PRELID2: variants seen among roughly 807,000 people sequenced by gnomAD.
PRELID2 encodes the protein PRELI domain-containing protein 2.
A neutral mutation model predicts 28.4 loss-of-function variants in PRELID2; 25 were observed. That is an observed-to-expected ratio of 0.88 (90% CI 0.64 to 1.23). The LOEUF is 1.23. Among genes scored for constraint, PRELID2 ranks in the 50% most tolerant of loss-of-function variants. The pLI, the probability that PRELID2 is intolerant of heterozygous loss-of-function variation, is 0.00. For missense variants in PRELID2, 201 were observed against 214.4 expected (o/e 0.94, Z 0.39); for synonymous variants, 76 against 71.6 (o/e 1.06, Z -0.31).
chr5:145,290,455 G>A, the PRELID2 span, among the ~76,000 whole-genome samples: 60,723 of 151,642 alleles, frequency 0.4, 13,174 homozygotes, highest in African/African-American at 0.57. Flanking sequence ...TTGTAGGGAC[G>A]TGGATGAAGC....
At chr5:145,609,423 T>G (rs1243555367) in intron 1 of PRELID2, among the ~76,000 whole-genome samples, 1 of 152,246 alleles carries the variant, frequency 6.6e-6, no homozygotes, top group Non-Finnish European at 1.5e-5. Flanking sequence ...TGCTGATTAC[T>G]GTCTCTGTAC....
chr5:145,277,129 T>C, the PRELID2 span, among the ~76,000 whole-genome samples: 1 of 152,032 alleles, frequency 6.6e-6, no homozygotes, highest in African/African-American at 2.4e-5. Context: ...GACACATAGG[T>C]TTCTATTTCC....
intron 1 of PRELID2, among the ~76,000 whole-genome samples, chr5:145,570,552 C>G (rs954699498): frequency 5.3e-5 from 8 of 152,202 alleles, no homozygotes; most frequent in Non-Finnish European, 8.8e-5. Flanking sequence ...ATAAGTAACT[C>G]TCAGAATTAG....
At chr5:145,229,900 G>T in the PRELID2 span, 1 of 749,770 alleles carries the variant, frequency 1.3e-6, no homozygotes, top group South Asian at 1.4e-5. Context: ...TACATCCTTG[G>T]CTGGGAGTCC....
chr5:145,678,221 G>A (rs1477963951), intron 1 of PRELID2, among the ~76,000 whole-genome samples: 2 of 152,146 alleles, frequency 1.3e-5, no homozygotes, highest in East Asian at 1.9e-4. Flanking sequence ...AGGCATCCTC[G>A]TGAAAGTATG....
rs1757283227 is a variant in PRELID2 at position 145,757,201 on chromosome 5, C to G, written c.*3335G>C. Among the ~76,000 whole-genome samples the G allele has an allele frequency of 2.0e-5, 3 of 152,306 alleles. No individual in the cohort carries two copies. The highest frequency in any genetic ancestry group is 4.4e-5 in the Non-Finnish European group (3 of 68,008). On this transcript the variant is annotated 3_prime_UTR_variant, in exon 7 of 7. Transcript: ENST00000683046. ...GTACATATATACTGCTTATAAAATA[C>G]ACAAAGTAGTTCATAGAAAAAGAAT...
At chr5:145,324,789 G>C in the PRELID2 span, among the ~76,000 whole-genome samples, 1 of 152,112 alleles carries the variant, frequency 6.6e-6, no homozygotes, top group East Asian at 1.9e-4. Context: ...CCATTCCATA[G>C]ATAAGGAAAC....
chr5:145,809,543 T>TC (rs1272228855), intron 4 of PRELID2, among the ~76,000 whole-genome samples: 1 of 152,244 alleles, frequency 6.6e-6, no homozygotes, highest in Non-Finnish European at 1.5e-5. Flanking sequence ...TTTCCCGGCC[T>TC]CCCGTAGTGC....
At chr5:145,460,484 C>T in the PRELID2 span, among the ~76,000 whole-genome samples, 1 of 152,146 alleles carries the variant, frequency 6.6e-6, no homozygotes, top group Non-Finnish European at 1.5e-5. Flanking sequence ...CACTTGCTGA[C>T]TTTCTTTTCC....
chr5:145,254,821 A>C, the PRELID2 span, among the ~76,000 whole-genome samples: 1 of 151,920 alleles, frequency 6.6e-6, no homozygotes, highest in Non-Finnish European at 1.5e-5. Flanking sequence ...AAAGATTTAC[A>C]CTGATTTTCA....
intron 1 of PRELID2, among the ~76,000 whole-genome samples, chr5:145,591,144 A>G (rs1264748030): frequency 6.6e-6 from 1 of 151,560 alleles, no homozygotes; most frequent in East Asian, 1.9e-4. Context: ...AAACATAAAA[A>G]TATTAGCTGG....
At chr5:145,724,347 A>T (rs1756070802) in intron 1 of PRELID2, among the ~76,000 whole-genome samples, 1 of 151,768 alleles carries the variant, frequency 6.6e-6, no homozygotes, top group South Asian at 2.1e-4. Context: ...AACGTTAAAG[A>T]CATGAAAAAT....
chr5:145,366,714 C>G, the PRELID2 span, among the ~76,000 whole-genome samples: 4 of 151,982 alleles, frequency 2.6e-5, no homozygotes, highest in African/African-American at 7.2e-5. Context: ...TCTCTGTGCT[C>G]CATACAGCAT....
chr5:145,653,357 C>G (rs1561533043), intron 1 of PRELID2, among the ~76,000 whole-genome samples: 1 of 152,186 alleles, frequency 6.6e-6, no homozygotes, highest in Non-Finnish European at 1.5e-5. Context: ...AGAAAATTAA[C>G]AAGGATATCC....
At chr5:145,273,069 G>A in the PRELID2 span, among the ~76,000 whole-genome samples, 2 of 151,980 alleles carry the variant, frequency 1.3e-5, no homozygotes, top group Non-Finnish European at 2.9e-5. Flanking sequence ...TGGAAAATAT[G>A]GACAATATCC....
chr5:145,565,253 C>T (rs1350717436), intron 1 of PRELID2, among the ~76,000 whole-genome samples: 1 of 152,222 alleles, frequency 6.6e-6, no homozygotes, highest in Admixed American at 6.5e-5. Context: ...CAAAGGAAGG[C>T]AGGTGGCTAC....
At chr5:145,323,034 T>C in the PRELID2 span, among the ~76,000 whole-genome samples, 2 of 152,010 alleles carry the variant, frequency 1.3e-5, no homozygotes, top group Admixed American at 6.5e-5. Flanking sequence ...TAAGAAACAA[T>C]AGTATGTGCT....
At chr5:145,496,112 GA>G (rs948487533) in intron 1 of PRELID2, among the ~76,000 whole-genome samples, 2 of 152,096 alleles carry the variant, frequency 1.3e-5, no homozygotes, top group African/African-American at 4.8e-5. Flanking sequence ...TTAGAAGCAT[GA>G]AAAAAGACAG....
At chr5:145,790,723 A>G (rs60886322) in intron 5 of PRELID2, among the ~76,000 whole-genome samples, 3,990 of 23,588 alleles carry the variant, frequency 0.17, 134 homozygotes, top group East Asian at 0.3. Context: ...GTGTGTGTGT[A>G]TATATATATA....
Sources: allele counts gnomAD v4.1 joint callset (sites outside exome capture counted in the v4.1 genomes callset), GRCh38; gene constraint gnomAD v4.1.1; transcripts MANE v1.5; gene names NCBI Gene and HGNC (gene_info 2026-07-23, HGNC 2026-07-21).